The following FAU variants were observed in gnomAD, a reference collection of about 807,000 sequenced individuals.
FAU encodes ubiquitin-like FUBI-ribosomal protein eS30 fusion protein.
For missense variants in FAU, 125 were observed against 173.9 expected (o/e 0.72, Z 1.58); for synonymous variants, 70 against 69.9 (o/e 1.00, Z -0.01).
rs1948050357 is a variant in FAU, at chr11:65,121,719, G to A, written c.75+20C>T. On this transcript the variant is annotated intron_variant, in intron 2 of 4. Coordinates refer to ENST00000529639, the MANE Select transcript of FAU (RefSeq NM_001997.5). ...AAGAGCACAAGAAAATGGAACCCAG[G>A]GCGCACCAAGCAGCCTTACCTTGAT... 6.2e-7 allele frequency: 1 copy of A among 1,613,874 alleles called. No homozygotes were observed. Among genetic ancestry groups the A allele is most frequent in the African/African-American group, 1.3e-5 (1 of 74,928 alleles).
chr11:65,121,692 T>C (rs1211344974), intron 2 of FAU, 47 bp downstream of exon 2: 2 of 1,612,906 alleles, frequency 1.2e-6, no homozygotes, highest in Non-Finnish European at 1.7e-6. Flanking sequence ...GCCGCGAGAG[T>C]GAAGAGCACA....
intron 2 of FAU, 41 bp downstream of exon 2, chr11:65,121,698 G>T: frequency 6.2e-7 from 1 of 1,613,902 alleles, no homozygotes; most frequent in Non-Finnish European, 8.5e-7. Flanking sequence ...AGAGTGAAGA[G>T]CACAAGAAAA....
rs751724164 is a variant in FAU, at chr11:65,121,011, A to C, written c.246T>G (p.Arg82=). 5.6e-6 allele frequency: 9 copies of C among 1,614,150 alleles called. No homozygotes were observed. In the Admixed American group the frequency reaches 1.3e-4, roughly 24 times the overall value. ...LGGKVHGSLA[R]AGKVRGQTPK... is the part of the protein sequence containing the mutation. ...GAGTCTGACCTCTCACTTTTCCAGC[A>C]CGGGCCAGGGAACCATGGACTTTAC... The change falls in exon 4 of 5, where the codon CGT becomes CGG. Residue 82 remains arginine (R), a synonymous_variant. Transcript: ENST00000529639.
rs1407341783 is a variant in FAU, at chr11:65,121,555, G to C, written c.165C>G (p.Gly55=). 3 of 1,613,990 alleles carry C rather than the reference G, an allele frequency of 1.9e-6. No individual in the cohort carries two copies. Among genetic ancestry groups the C allele is most frequent in the Non-Finnish European group, 2.5e-6 (3 of 1,180,022 alleles). ...TAGTCAGGGCCTCCACCCCGCACTG[G>C]CCCAGAGTGGCCTCATCCTCCAGGG... is the stretch of plus-strand genomic sequence containing the variant. ...GAPLEDEATL[G]QCGVEALTTL... Residue 55 remains glycine, a synonymous_variant, in exon 3 of 5, where the codon GGC becomes GGG. Transcript: ENST00000529639.
chr11:65,121,062 C>T lies in FAU; in HGVS notation c.221-26G>A, dbSNP rs772593390. Reference sequence around the variant, plus strand: ...CTGTAGTGGGAAAGGAAGGCACCAGCAGGTAAGAGCAAGAAGGTGCCACCC... The same window carrying T: ...CTGTAGTGGGAAAGGAAGGCACCAGTAGGTAAGAGCAAGAAGGTGCCACCC... On this transcript the variant is annotated intron_variant, in intron 3 of 4. Coordinates refer to ENST00000529639, the MANE Select transcript of FAU (RefSeq NM_001997.5). 2.5e-6 allele frequency: 4 copies of T among 1,613,488 alleles called. No individual in the cohort carries two copies. In the East Asian group the frequency reaches 8.9e-5, roughly 36 times the overall value.
intron 1 of FAU, 87 bp downstream of exon 1, chr11:65,122,003 C>T (rs1414287376): frequency 1.2e-5 from 8 of 642,136 alleles, no homozygotes; most frequent in Non-Finnish European, 2.1e-5. Flanking sequence ...ACGGAGCAGG[C>T]CCCGTTCTTC....
rs1948054894 is a variant in FAU at position 65,122,105 on chromosome 11, A to C, written c.-24T>G. 2 of 599,496 alleles carry C rather than the reference A, an allele frequency of 3.3e-6. No homozygotes were observed. Among genetic ancestry groups the C allele is most frequent in the Non-Finnish European group, 3.0e-6 (1 of 337,830 alleles). The allele number at this position is 599,496 out of a possible 1,614,324, so 37.1% of individuals were successfully genotyped here. ...CCATTCTTACCTGAACGGCGGTCCC[A>C]GCTACCGCGAAGATGGAGTCGAGAA... On this transcript the variant is annotated 5_prime_UTR_variant, in exon 1 of 5. Coordinates refer to ENST00000529639, the MANE Select transcript of FAU (RefSeq NM_001997.5).
rs887787749 is a variant in FAU, at chr11:65,120,642, G to C, written c.*39C>G. 2 of 1,611,388 alleles carry C rather than the reference G, an allele frequency of 1.2e-6. No individual in the cohort carries two copies. The highest frequency in any genetic ancestry group is 2.7e-5 in the African/African-American group (2 of 74,754). On this transcript the variant is annotated 3_prime_UTR_variant, in exon 5 of 5. Coordinates refer to ENST00000529639, the MANE Select transcript of FAU (RefSeq NM_001997.5). The stretch of plus-strand genomic sequence containing the variant: ...TGAAACAATGCGATGACTGAACTAA[G>C]TGGCTTTTTTATTAGAGAAAGCCAG...
chr11:65,121,740 T>C lies in FAU; in HGVS notation c.74A>G (p.Lys25Arg), dbSNP rs1948050741. The C allele has an allele frequency of 6.2e-7, 1 of 1,614,096 alleles. No individual in the cohort carries two copies. Among genetic ancestry groups the C allele is most frequent in the South Asian group, 1.1e-5 (1 of 91,090 alleles). The change falls in exon 2 of 5, where the codon AAG becomes AGG. Residue 25 changes from lysine (K) to arginine (R), a missense_variant and splice_region_variant. Lys to Arg is a conservative substitution (Grantham distance 26). Transcript: ENST00000529639. ...CCAGGGCGCACCAAGCAGCCTTACCTTGATCTGGGCGACCGTTTCCTGGCC... is the reference window on the plus strand; with the variant it reads ...CCAGGGCGCACCAAGCAGCCTTACCCTGATCTGGGCGACCGTTTCCTGGCC... ...VTGQETVAQI[K>R]AHVASLEGIA...
intron 2 of FAU, 40 bp from the exon 3 acceptor site, chr11:65,121,684 C>T (rs372216314): frequency 4.5e-5 from 72 of 1,613,558 alleles, no homozygotes; most frequent in Non-Finnish European, 5.8e-5. Flanking sequence ...TCCCTCGGGC[C>T]GCGAGAGTGA....
chr11:65,121,789 C>T lies in FAU; in HGVS notation c.25G>A (p.Glu9Lys), dbSNP rs1323013106. 1.1e-5 allele frequency: 18 copies of T among 1,614,080 alleles called. No homozygotes were observed. Among genetic ancestry groups the T allele is most frequent in the South Asian group, 8.8e-5 (8 of 91,082 alleles). The change falls in exon 2 of 5, where the codon GAG (glutamate) becomes AAG (lysine). Residue 9 changes from glutamate to lysine, a missense_variant. By Grantham distance (56) the Glu-to-Lys change is moderately conservative (BLOSUM62 1). Transcript: ENST00000529639. ...CCGGTCACCTCGAAGGTGTGTAGCTCCTGGGCGCGGACAAAGAGCTGCATA... is the reference window on the plus strand; with the variant it reads ...CCGGTCACCTCGAAGGTGTGTAGCTTCTGGGCGCGGACAAAGAGCTGCATA... Reference protein sequence around the residue: MQLFVRAQELHTFEVTGQE... With the variant: MQLFVRAQKLHTFEVTGQE...
Position 65,121,050 on chromosome 11 carries a change from G to A in FAU, c.221-14C>T. The A allele has an allele frequency of 6.2e-7, 1 of 1,614,102 alleles. No homozygotes were observed. The highest frequency in any genetic ancestry group is 8.5e-7 in the Non-Finnish European group (1 of 1,180,000). ...CATGGACTTTACCTGTAGTGGGAAA[G>A]GAAGGCACCAGCAGGTAAGAGCAAG... On this transcript the variant is annotated splice_polypyrimidine_tract_variant and intron_variant, in intron 3 of 4. Coordinates refer to ENST00000529639, the MANE Select transcript of FAU (RefSeq NM_001997.5).
chr11:65,122,031 C>G, intron 1 of FAU, 59 bp downstream of exon 1: 1 of 614,894 alleles, frequency 1.6e-6, no homozygotes, highest in Non-Finnish European at 2.8e-6. Flanking sequence ...CCCGCGCCTT[C>G]TGACCCCGCA....
rs925126520 is a variant in FAU at position 65,122,023 on chromosome 11, CG to C, written c.-9+66del. On this transcript the variant is annotated intron_variant, in intron 1 of 4. Transcript: ENST00000529639. ...GCAGGCCCCGTTCTTCGGTTCCCCC[CG>C]CGCCTTCTGACCCCGCAGCCAACCT... 7 of 620,054 alleles carry C rather than the reference CG, an allele frequency of 1.1e-5. No individual in the cohort carries two copies. The African/African-American group carries it at 1.3e-4, about 11-fold the overall frequency. The allele number at this position is 620,054 out of a possible 1,614,324, so 38.4% of individuals were successfully genotyped here.
At chr11:65,121,250 A>C (rs1948044325) in intron 3 of FAU, 14 of 721,754 alleles carry the variant, frequency 1.9e-5, no homozygotes, top group Middle Eastern at 3.9e-4. Flanking sequence ...GGTCTGACCT[A>C]ATTTTAGTGT....
chr11:65,121,252 T>C, intron 3 of FAU: 1 of 721,590 alleles, frequency 1.4e-6, no homozygotes, highest in Non-Finnish European at 2.2e-6. Flanking sequence ...TCTGACCTAA[T>C]TTTAGTGTGG....
chr11:65,121,521 C>A lies in FAU; in HGVS notation c.199G>T (p.Val67Leu). Reference sequence around the variant, plus strand: ...TCACCTCCAAGCATGCGGCCTGCTACTTCCAGGGTAGTCAGGGCCTCCACC... The same window carrying A: ...TCACCTCCAAGCATGCGGCCTGCTAATTCCAGGGTAGTCAGGGCCTCCACC... Reference protein sequence around the residue: ...CGVEALTTLEVAGRMLGGKVH... With the variant: ...CGVEALTTLELAGRMLGGKVH... Residue 67 changes from valine (V) to leucine (L), a missense_variant, in exon 3 of 5, where the codon GTA (valine) becomes TTA (leucine). Coordinates refer to ENST00000529639, the MANE Select transcript of FAU (RefSeq NM_001997.5). The A allele has an allele frequency of 6.2e-7, 1 of 1,613,492 alleles. No individual in the cohort carries two copies. The highest frequency in any genetic ancestry group is 8.5e-7 in the Non-Finnish European group (1 of 1,179,770).
chr11:65,121,355 G>A, intron 3 of FAU, 145 bp downstream of exon 3: 3 of 1,110,528 alleles, frequency 2.7e-6, no homozygotes, highest in Non-Finnish European at 3.8e-6. Context: ...CAACATGAGG[G>A]ATGTAAACAG....
In FAU at chr11:65,121,721, C is replaced by A. The variant is rs370119546; in HGVS notation, c.75+18G>T. On this transcript the variant is annotated intron_variant, in intron 2 of 4. Coordinates refer to ENST00000529639, the MANE Select transcript of FAU (RefSeq NM_001997.5). ...GAGCACAAGAAAATGGAACCCAGGG[C>A]GCACCAAGCAGCCTTACCTTGATCT... is the stretch of plus-strand genomic sequence containing the variant. 2.5e-6 allele frequency: 4 copies of A among 1,613,998 alleles called. No individual in the cohort carries two copies. The highest frequency in any genetic ancestry group is 3.4e-6 in the Non-Finnish European group (4 of 1,180,010).
Sources: allele counts gnomAD v4.1 joint callset, GRCh38; gene constraint gnomAD v4.1.1; transcripts MANE v1.5; gene names NCBI Gene and HGNC (gene_info 2026-07-23, HGNC 2026-07-21).